The following MEOX1 variants were observed in gnomAD, a reference collection of about 807,000 sequenced individuals.
The protein encoded by MEOX1 is homeobox protein MOX-1.
MEOX1 carries 17 observed loss-of-function variants against 23.2 expected under a neutral mutation model. The observed-to-expected ratio is 0.73, with a 90% CI of 0.50 to 1.10. The LOEUF is 1.10. Ranked by LOEUF, MEOX1 falls within the 50% of genes least tolerant of loss-of-function variation. The pLI is 0.00. For synonymous variants in MEOX1, 134 were observed against 135.1 expected (o/e 0.99, Z 0.06); for missense variants, 333 against 332.2 (o/e 1.00, Z -0.02).
In MEOX1 at chr17:43,645,557, C is replaced by A. The variant is rs540773114; in HGVS notation, c.470-1897G>T. 3.3e-5 allele frequency among the ~76,000 whole-genome samples: 5 copies of A among 152,306 alleles called. No homozygotes were observed. The South Asian group carries it at 1.0e-3, about 32-fold the overall frequency. On this transcript the variant is annotated intron_variant, in intron 1 of 2. Transcript: ENST00000318579. ...GAAACCTGCGGCCCAACGTCCTGCTCCCTGAAAGACCCATCTCTGCCTTGC... is the reference window on the plus strand; with the variant it reads ...GAAACCTGCGGCCCAACGTCCTGCTACCTGAAAGACCCATCTCTGCCTTGC...
chr17:43,643,262 G>A (rs1972732477), intron 2 of MEOX1, among the ~76,000 whole-genome samples: 1 of 152,288 alleles, frequency 6.6e-6, no homozygotes, highest in South Asian at 2.1e-4. Context: ...CAGTAAGATC[G>A]CGCCACTGCA....
intron 1 of MEOX1, among the ~76,000 whole-genome samples, chr17:43,652,251 CA>C (rs1456018030): frequency 6.6e-6 from 1 of 152,122 alleles, no homozygotes; most frequent in Non-Finnish European, 1.5e-5. Context: ...GTGCACCCCT[CA>C]AACCACACCC....
chr17:43,658,381 C>A (rs1029672454), intron 1 of MEOX1, among the ~76,000 whole-genome samples: 3 of 152,006 alleles, frequency 2.0e-5, no homozygotes, highest in African/African-American at 7.2e-5. Flanking sequence ...GGGGCGTGCG[C>A]CTATAATCCC....
At position 43,640,546 on chromosome 17, in the gene MEOX1, C is replaced by T. The variant is rs1198826399; in HGVS notation, c.*1364G>A. 6.6e-6 allele frequency: 1 copy of T among 152,160 alleles called. No individual in the cohort carries two copies. The highest frequency in any genetic ancestry group is 1.5e-5 in the Non-Finnish European group (1 of 68,036). 9.4% of individuals were successfully genotyped at this position (152,160 alleles called of 1,614,324 possible). ...CTCATTTGGCAATCATTTTCCACAG[C>T]TCTTGCCCTTTTTGGGGTGGGGAGG... On this transcript the variant is annotated 3_prime_UTR_variant, in exon 3 of 3. Transcript: ENST00000318579.
At chr17:43,658,499 TC>T (rs1358365046) in intron 1 of MEOX1, among the ~76,000 whole-genome samples, 3 of 123,458 alleles carry the variant, frequency 2.4e-5, no homozygotes, top group African/African-American at 5.6e-5. Context: ...AGAGTGAGAC[TC>T]CATCTCAAAA....
chr17:43,647,757 T>C (rs1424041961), intron 1 of MEOX1, among the ~76,000 whole-genome samples: 1 of 152,200 alleles, frequency 6.6e-6, no homozygotes, highest in Non-Finnish European at 1.5e-5. Flanking sequence ...CTCCTGTCTC[T>C]TATTGCCCTG....
chr17:43,656,986 C>T (rs999098152), intron 1 of MEOX1, among the ~76,000 whole-genome samples: 1 of 142,730 alleles, frequency 7.0e-6, no homozygotes, highest in Non-Finnish European at 1.5e-5. Flanking sequence ...TGTTCATTTT[C>T]TTTCTTTCTT....
intron 1 of MEOX1, among the ~76,000 whole-genome samples, chr17:43,648,481 A>T (rs1178806309): frequency 6.6e-6 from 1 of 151,740 alleles, no homozygotes; most frequent in Non-Finnish European, 1.5e-5. Context: ...AAAAAAAAAA[A>T]AAGAAAAGAA....
At chr17:43,646,614 A>AAACG (rs72213620) in intron 1 of MEOX1, among the ~76,000 whole-genome samples, 1 of 20,238 alleles carries the variant, frequency 4.9e-5, no homozygotes, top group Non-Finnish European at 1.0e-4. Context: ...AAATTGAGGA[A>AAACG]ATTTCACCTA....
Position 43,641,686 on chromosome 17 carries a change from T to A in MEOX1, c.*224A>T, listed in dbSNP as rs577194971. The A allele has an allele frequency of 2.1e-6, 1 of 483,230 alleles. No homozygotes were observed. The highest frequency in any genetic ancestry group is 3.5e-5 in the East Asian group (1 of 28,382). 29.9% of individuals were successfully genotyped at this position (483,230 alleles called of 1,614,324 possible). On this transcript the variant is annotated 3_prime_UTR_variant, in exon 3 of 3. Coordinates refer to ENST00000318579, the MANE Select transcript of MEOX1 (RefSeq NM_004527.4). ...GGATCTCTGTCTGATTCCATGAGAG[T>A]GTGGGAGCAAAGGCCCTAGGGAAGA...
At chr17:43,655,526 T>A (rs1972999579) in intron 1 of MEOX1, among the ~76,000 whole-genome samples, 1 of 151,164 alleles carries the variant, frequency 6.6e-6, no homozygotes, top group African/African-American at 2.4e-5. Flanking sequence ...AATGTTATTG[T>A]CTTCAGAAAG....
intron 1 of MEOX1, among the ~76,000 whole-genome samples, chr17:43,660,108 G>A (rs1193542531): frequency 6.6e-6 from 1 of 152,244 alleles, no homozygotes; most frequent in Non-Finnish European, 1.5e-5. Flanking sequence ...GGCAGCACGG[G>A]CAGGAGGCTT....
chr17:43,643,442 G>C, intron 2 of MEOX1, 46 bp downstream of exon 2: 4 of 1,493,028 alleles, frequency 2.7e-6, no homozygotes, highest in Non-Finnish European at 3.6e-6. Flanking sequence ...AGGGAAGGGA[G>C]GGAGATGAGA....
At position 43,649,737 on chromosome 17, in the gene MEOX1, C is replaced by T. The variant is rs73310508; in HGVS notation, c.470-6077G>A. On this transcript the variant is annotated intron_variant, in intron 1 of 2. Transcript: ENST00000318579. ...GCCGCAGATGCCTCTTCCAGAACTG[C>T]GGAGGGAGGATGCTGGCCCTCAGTG... Among the ~76,000 whole-genome samples the T allele has an allele frequency of 4.7e-3, 712 of 152,302 alleles. 5 individuals are homozygous for T. Among genetic ancestry groups the T allele is most frequent in the African/African-American group, 0.016 (666 of 41,566 alleles).
chr17:43,649,920 C>T (rs977886313), intron 1 of MEOX1, among the ~76,000 whole-genome samples: 17 of 152,312 alleles, frequency 1.1e-4, no homozygotes, highest in Admixed American at 7.8e-4. Flanking sequence ...CCACACCATC[C>T]AGGGCAAATT....
intron 1 of MEOX1, among the ~76,000 whole-genome samples, chr17:43,649,923 G>A (rs1463039687): frequency 2.0e-5 from 3 of 152,142 alleles, no homozygotes; most frequent in Admixed American, 2.0e-4. Flanking sequence ...CACCATCCAG[G>A]GCAAATTATT....
chr17:43,647,298 C>T (rs537088424), intron 1 of MEOX1, among the ~76,000 whole-genome samples: 28 of 152,162 alleles, frequency 1.8e-4, no homozygotes, highest in African/African-American at 6.0e-4. Flanking sequence ...TGACCCCTAC[C>T]GCGCCCCCAA....
chr17:43,644,731 T>C (rs1972770423), intron 1 of MEOX1, among the ~76,000 whole-genome samples: 1 of 152,114 alleles, frequency 6.6e-6, no homozygotes, highest in Non-Finnish European at 1.5e-5. Context: ...CTGGCCAACA[T>C]GGCGAAACCC....
chr17:43,649,061 G>T lies in MEOX1; in HGVS notation c.470-5401C>A, dbSNP rs367790135. On this transcript the variant is annotated intron_variant, in intron 1 of 2. Coordinates refer to ENST00000318579, the MANE Select transcript of MEOX1 (RefSeq NM_004527.4). The stretch of plus-strand genomic sequence containing the variant: ...TTGCAAAGCAGGAATAGCTACACCC[G>T]CTGTGCTTATCAGGCTGAGAAGTAA... 2.6e-5 allele frequency among the ~76,000 whole-genome samples: 4 copies of T among 152,276 alleles called. No homozygotes were observed. The South Asian group carries it at 6.2e-4, about 24-fold the overall frequency.
Sources: allele counts gnomAD v4.1 joint callset (sites outside exome capture counted in the v4.1 genomes callset), GRCh38; gene constraint gnomAD v4.1.1; transcripts MANE v1.5; gene names NCBI Gene and HGNC (gene_info 2026-07-23, HGNC 2026-07-21).